Variants in POLR3K observed in about 807,000 individuals in gnomAD.
POLR3K encodes the protein RNA polymerase III subunit K, also known as DNA-directed RNA polymerase III subunit RPC10.
A neutral mutation model predicts 13.5 loss-of-function variants in POLR3K; 11 were observed. The observed-to-expected ratio is 0.81, with a 90% confidence interval of 0.51 to 1.35. The LOEUF is 1.35. Among genes scored for constraint, POLR3K ranks in the 40% most tolerant of loss-of-function variants. The pLI is 0.00. For missense variants in POLR3K, 144 were observed against 145.3 expected (o/e 0.99, Z 0.05); for synonymous variants, 56 against 51.5 (o/e 1.09, Z -0.38).
intron 1 of POLR3K, chr16:53,111 G>C (rs571347465): frequency 8.7e-6 from 2 of 230,204 alleles, no homozygotes; most frequent in East Asian, 1.9e-4. Context: ...GAGGGAGTCA[G>C]TGTCGGAACC....
chr16:47,892 C>T (rs375777034), intron 2 of POLR3K, among the ~76,000 whole-genome samples: 4 of 99,752 alleles, frequency 4.0e-5, no homozygotes, highest in African/African-American at 8.0e-5. Context: ...ACTATAATAT[C>T]TTTTTTTTTT....
chr16:47,610 G>A (rs798675), intron 2 of POLR3K, 53 bp from the exon 3 acceptor site: 653,071 of 1,584,696 alleles, frequency 0.41, 137,220 homozygotes, highest in African/African-American at 0.58. Context: ...GCTACTCATG[G>A]CTGTCAAAAG....
At chr16:49,751 T>C (rs1355600655) in intron 2 of POLR3K, among the ~76,000 whole-genome samples, 1 of 151,784 alleles carries the variant, frequency 6.6e-6, no homozygotes, top group Non-Finnish European at 1.5e-5. Flanking sequence ...GCGATTCTCC[T>C]GTCTCAGCCT....
intron 1 of POLR3K, 115 bp from the exon 2 acceptor site, chr16:51,760 C>G: frequency 1.3e-6 from 1 of 778,852 alleles, no homozygotes; most frequent in Non-Finnish European, 2.1e-6. Context: ...GTGGCTGACA[C>G]CTGTAATCCC....
intron 1 of POLR3K, chr16:53,233 G>A: frequency 1.4e-6 from 1 of 703,758 alleles, no homozygotes; most frequent in South Asian, 2.5e-5. Flanking sequence ...AATCACCGTG[G>A]CCGCCGCTGT....
At chr16:47,849 CAAAAAAA>C (rs750499325) in intron 2 of POLR3K, among the ~76,000 whole-genome samples, 4 of 35,168 alleles carry the variant, frequency 1.1e-4, no homozygotes, top group Non-Finnish European at 2.0e-4. Context: ...CCACTGCACT[CAAAAAAA>C]AAAAAAAAAA....
At position 53,583 on chromosome 16, in the gene POLR3K, G is replaced by A. The variant is rs919963543; in HGVS notation, c.4C>T (p.Leu2=). The A allele has an allele frequency of 6.2e-7, 1 of 1,611,474 alleles. No homozygotes were observed. The highest frequency in any genetic ancestry group is 8.5e-7 in the Non-Finnish European group (1 of 1,178,950). The change falls in exon 1 of 3, where the codon CTG becomes TTG. Residue 2 remains leucine, a synonymous_variant. Coordinates refer to ENST00000293860, the MANE Select transcript of POLR3K (RefSeq NM_016310.5). ...TTCCCGCAGCCGGGGCAGAACAGCA[G>A]CATGGTCTCGAACTCCGCAGGCTCC... M[L]LFCPGCGNGL...
chr16:53,504 C>A lies in POLR3K; in HGVS notation c.83G>T (p.Cys28Phe). 6.2e-7 allele frequency: 1 copy of A among 1,612,880 alleles called. No individual in the cohort carries two copies. The highest frequency in any genetic ancestry group is 8.5e-7 in the Non-Finnish European group (1 of 1,179,618). Residue 28 changes from cysteine (C) to phenylalanine (F), a missense_variant, in exon 1 of 3, where the codon TGC becomes TTC. Cys to Phe is a radical substitution (Grantham distance 205). Transcript: ENST00000293860. ...GCGGGTGATGTTGTGCACGTAGGGG[C>A]ACGTGTTGCAGGCGAAGCGGTGGCA... ...QRCHRFACNT[C>F]PYVHNITRKV...
rs766275020 is a variant in POLR3K at position 47,550 on chromosome 16, A to G, written c.207T>C (p.Cys69=). Residue 69 remains cysteine, a synonymous_variant, in exon 3 of 3, where the codon TGT becomes TGC. Transcript: ENST00000293860. ...AAGCACGAGGATGTTCGCATTTGGGACACGACTCTGGCAATGAGAAAAAAG... is the reference window on the plus strand; with the variant it reads ...AAGCACGAGGATGTTCGCATTTGGGGCACGACTCTGGCAATGAGAAAAAAG... ...WENVDSTAES[C]PKCEHPRAYF... 6.2e-6 allele frequency: 10 copies of G among 1,612,444 alleles called. No individual in the cohort carries two copies. The highest frequency in any genetic ancestry group is 8.5e-6 in the Non-Finnish European group (10 of 1,179,070).
Position 51,420 on chromosome 16 carries a change from A to T in POLR3K, c.199+138T>A, listed in dbSNP as rs186378490. 4 of 706,468 alleles carry T rather than the reference A, an allele frequency of 5.7e-6. No homozygotes were observed. In the East Asian group the frequency reaches 1.1e-4, roughly 20 times the overall value. 43.8% of individuals were successfully genotyped at this position (706,468 alleles called of 1,614,324 possible). ...CAGATTATTAAACAGTAACAAATAC[A>T]AATAAATTATTCAAGAACCATTTTC... On this transcript the variant is annotated intron_variant, in intron 2 of 2. Coordinates refer to ENST00000293860, the MANE Select transcript of POLR3K (RefSeq NM_016310.5).
chr16:53,578 C>G lies in POLR3K; in HGVS notation c.9G>C (p.Leu3=). ...GCCCGTTCCCGCAGCCGGGGCAGAA[C>G]AGCAGCATGGTCTCGAACTCCGCAG... ML[L]FCPGCGNGLI... The change falls in exon 1 of 3, where the codon CTG becomes CTC. Residue 3 remains leucine, a synonymous_variant. Coordinates refer to ENST00000293860, the MANE Select transcript of POLR3K (RefSeq NM_016310.5). 3 of 1,612,264 alleles carry G rather than the reference C, an allele frequency of 1.9e-6. No homozygotes were observed. Among genetic ancestry groups the G allele is most frequent in the East Asian group, 2.2e-5 (1 of 44,690 alleles).
At chr16:51,838 G>T in intron 1 of POLR3K, 193 bp from the exon 2 acceptor site, 1 of 477,390 alleles carries the variant, frequency 2.1e-6, no homozygotes, top group East Asian at 3.9e-5. Context: ...GGCTAACACG[G>T]TGAAACCCTG....
At chr16:51,277 G>T (rs74003635) in intron 2 of POLR3K, among the ~76,000 whole-genome samples, 27,305 of 152,150 alleles carry the variant, frequency 0.18, 2,686 homozygotes, top group Middle Eastern at 0.29. Context: ...TACGAATATG[G>T]ATTAGCCCCA....
At chr16:52,765 CAAAAAAAAAAAAAAAAAAAA>C (rs946489081) in intron 1 of POLR3K, among the ~76,000 whole-genome samples, 5 of 33,610 alleles carry the variant, frequency 1.5e-4, no homozygotes, top group Admixed American at 4.0e-4. Flanking sequence ...GACTCCGTCT[CAAAAAAAAAAAAAAAAAAAA>C]AAAAAAAAAA....
chr16:51,436 A>G, intron 2 of POLR3K, 122 bp downstream of exon 2: 1 of 745,326 alleles, frequency 1.3e-6, no homozygotes, highest in Non-Finnish European at 2.2e-6. Flanking sequence ...ATTATTCAAG[A>G]ACCATTTTCT....
At position 47,464 on chromosome 16, in the gene POLR3K, C is replaced by T. The variant is rs756100970; in HGVS notation, c.293G>A (p.Cys98Tyr). 5.6e-6 allele frequency: 9 copies of T among 1,613,330 alleles called. No homozygotes were observed. Among genetic ancestry groups the T allele is most frequent in the Non-Finnish European group, 7.6e-6 (9 of 1,179,554 alleles). Residue 98 changes from cysteine to tyrosine, a missense_variant, in exon 3 of 3, where the codon TGC becomes TAC. Physicochemically the swap from Cys to Tyr is radical, Grantham distance 194 (BLOSUM62 -2). Coordinates refer to ENST00000293860, the MANE Select transcript of POLR3K (RefSeq NM_016310.5). ...CCAGCGGTGTCCACACTGAGCATTGCAGCACTTGTAGAAGGTGGTCATCGG... is the reference window on the plus strand; with the variant it reads ...CCAGCGGTGTCCACACTGAGCATTGTAGCACTTGTAGAAGGTGGTCATCGG... ...DEPMTTFYKC[C>Y]NAQCGHRWRD
At chr16:52,239 G>A (rs1369486762) in intron 1 of POLR3K, 1 of 151,812 alleles carries the variant, frequency 6.6e-6, no homozygotes, top group Non-Finnish European at 1.5e-5. Flanking sequence ...CTGAGGTTGG[G>A]AGTTCGAGAC....
At position 53,491 on chromosome 16, in the gene POLR3K, G is replaced by A; in HGVS notation, c.96C>T (p.His32=). The change falls in exon 1 of 3, where the codon CAC becomes CAT. Residue 32 remains histidine (H), a synonymous_variant. Coordinates refer to ENST00000293860, the MANE Select transcript of POLR3K (RefSeq NM_016310.5). ...RFACNTCPYV[H]NITRKVTNRK... is the part of the protein sequence containing the mutation. ...CGGGTCCCACCTTGCGGGTGATGTT[G>A]TGCACGTAGGGGCACGTGTTGCAGG... 1.9e-6 allele frequency: 3 copies of A among 1,612,236 alleles called. No individual in the cohort carries two copies. The highest frequency in any genetic ancestry group is 2.2e-5 in the East Asian group (1 of 44,650).
intron 1 of POLR3K, among the ~76,000 whole-genome samples, chr16:52,856 C>T (rs1474330809): frequency 6.6e-6 from 1 of 151,200 alleles, no homozygotes; most frequent in Non-Finnish European, 1.5e-5. Flanking sequence ...AGGTAATAAG[C>T]CCTATGGAAA....
Sources: allele counts gnomAD v4.1 joint callset (sites outside exome capture counted in the v4.1 genomes callset), GRCh38; gene constraint gnomAD v4.1.1; transcripts MANE v1.5; gene names NCBI Gene and HGNC (gene_info 2026-07-23, HGNC 2026-07-21).